Variants in TNKS observed in about 807,000 individuals in gnomAD.
TNKS encodes poly [ADP-ribose] polymerase tankyrase-1.
A neutral mutation model predicts 135.8 loss-of-function variants in TNKS; 72 were observed. The ratio of observed to expected loss-of-function variants is 0.53; its 90% confidence interval spans 0.44 to 0.64. The LOEUF is 0.64. TNKS is among the 30% of genes least tolerant of loss of function. The pLI, the probability that TNKS is intolerant of heterozygous loss-of-function variation, is 0.00. For missense variants in TNKS, 1,769 were observed against 1,674.0 expected, an observed-to-expected ratio of 1.06 and a Z score of -0.99; for synonymous variants, 849 against 649.3, an observed-to-expected ratio of 1.31 and a Z score of -4.68.
At chr8:9,773,754 A>G (rs1808075684) in intron 26 of TNKS, among the ~76,000 whole-genome samples, 1 of 152,096 alleles carries the variant, frequency 6.6e-6, no homozygotes, top group Non-Finnish European at 1.5e-5. Context: ...AAAAAAATGC[A>G]CTCAGCATTT....
At chr8:9,619,583 G>A (rs1799785121) in intron 3 of TNKS, among the ~76,000 whole-genome samples, 1 of 152,128 alleles carries the variant, frequency 6.6e-6, no homozygotes, top group African/African-American at 2.4e-5. Flanking sequence ...GGATATGTTT[G>A]CATTCAGGTG....
At chr8:9,664,857 A>G (rs1026382203) in intron 3 of TNKS, among the ~76,000 whole-genome samples, 1 of 152,212 alleles carries the variant, frequency 6.6e-6, no homozygotes, top group African/African-American at 2.4e-5. Context: ...CTTTTACCCC[A>G]TAAGGATTCC....
At chr8:9,576,224 A>C (rs1797938666) in intron 1 of TNKS, among the ~76,000 whole-genome samples, 1 of 152,132 alleles carries the variant, frequency 6.6e-6, no homozygotes, top group Non-Finnish European at 1.5e-5. Context: ...GAGTCTGAGC[A>C]AAATTGAGTC....
chr8:9,575,082 C>G, intron 1 of TNKS: 1 of 984,642 alleles, frequency 1.0e-6, no homozygotes, highest in Admixed American at 6.2e-5. Flanking sequence ...GTGAATCTCT[C>G]CATTATCTTT....
chr8:9,728,811 A>T (rs1186095384), intron 13 of TNKS, among the ~76,000 whole-genome samples: 1 of 152,144 alleles, frequency 6.6e-6, no homozygotes, highest in Non-Finnish European at 1.5e-5. Flanking sequence ...TATAGAGTTG[A>T]TGAAACTGTG....
chr8:9,748,936 CA>C (rs1316814753), intron 18 of TNKS, among the ~76,000 whole-genome samples: 2 of 152,196 alleles, frequency 1.3e-5, no homozygotes, highest in African/African-American at 4.8e-5. Flanking sequence ...GGGGCCTTGA[CA>C]GATACAACTA....
chr8:9,658,139 C>T (rs1470206773), intron 3 of TNKS, among the ~76,000 whole-genome samples: 18 of 112,132 alleles, frequency 1.6e-4, no homozygotes, highest in East Asian at 1.6e-3. Context: ...CGGGCGGAGA[C>T]GCTCCTCACT....
chr8:9,757,814 CT>C (rs1340089998), intron 20 of TNKS, among the ~76,000 whole-genome samples: 1 of 152,108 alleles, frequency 6.6e-6, no homozygotes, highest in African/African-American at 2.4e-5. Context: ...TATTTAGTTA[CT>C]TTTTAAAGAA....
rs199585800 is a variant in TNKS, at chr8:9,778,152, AAT to A, written c.*1417_*1418del. 0.019 allele frequency: 2,880 copies of A among 152,730 alleles called. 55 individuals carry two copies. The highest frequency in any genetic ancestry group is 0.05 in the African/African-American group (2,072 of 41,568). The allele number at this position is 152,730 out of a possible 1,614,324, so 9.5% of individuals were successfully genotyped here. On this transcript the variant is annotated 3_prime_UTR_variant, in exon 27 of 27. Transcript: ENST00000310430. The stretch of plus-strand genomic sequence containing the variant: ...AGTGCCATTGACATTTATAAAAAAA[AAT>A]GATCCTTTATAGTTCTTACACTTGC...
intron 2 of TNKS, among the ~76,000 whole-genome samples, chr8:9,599,388 G>A (rs965856390): frequency 6.6e-6 from 1 of 152,178 alleles, no homozygotes; most frequent in Admixed American, 6.5e-5. Flanking sequence ...AATTGTAACA[G>A]CAATTCACTG....
intron 20 of TNKS, among the ~76,000 whole-genome samples, chr8:9,754,476 T>C (rs1322618002): frequency 1.3e-5 from 2 of 152,322 alleles, no homozygotes; most frequent in African/African-American, 4.8e-5. Context: ...CTTATTTATA[T>C]CAATTATACT....
chr8:9,610,540 G>T (rs557578601), intron 2 of TNKS, among the ~76,000 whole-genome samples: 1 of 151,920 alleles, frequency 6.6e-6, no homozygotes, highest in Non-Finnish European at 1.5e-5. Flanking sequence ...TACATTGAAG[G>T]CTGTACTGTA....
At chr8:9,625,982 C>G (rs997070858) in intron 3 of TNKS, among the ~76,000 whole-genome samples, 1 of 152,072 alleles carries the variant, frequency 6.6e-6, no homozygotes, top group Admixed American at 6.5e-5. Flanking sequence ...TCTGGTTGTT[C>G]TATCAGTTGT....
At chr8:9,723,753 T>TGGC (rs1460442384) in intron 12 of TNKS, among the ~76,000 whole-genome samples, 11 of 152,244 alleles carry the variant, frequency 7.2e-5, no homozygotes, top group African/African-American at 2.4e-4. Context: ...TAGTCACACG[T>TGGC]GGCTAATGGC....
chr8:9,724,919 G>A (rs1805086007), intron 12 of TNKS, among the ~76,000 whole-genome samples: 1 of 152,100 alleles, frequency 6.6e-6, no homozygotes, highest in South Asian at 2.1e-4. Context: ...CATATTAAAT[G>A]TATCCTTAAA....
In TNKS at chr8:9,565,080, T is replaced by A. The variant is rs1412819186; in HGVS notation, c.673+8468T>A. ...TAGGTGTTTTGTTTTTGTGTGCCCG[T>A]TGTTTTTCTTTTAAGGCTTCATCAG... On this transcript the variant is annotated intron_variant, in intron 1 of 26. Transcript: ENST00000310430. Among the ~76,000 whole-genome samples the A allele has an allele frequency of 3.3e-5, 5 of 152,166 alleles. No individual in the cohort carries two copies. In the East Asian group the frequency reaches 9.6e-4, roughly 29 times the overall value.
At chr8:9,764,256 C>G (rs575011360) in intron 22 of TNKS, among the ~76,000 whole-genome samples, 29 of 151,846 alleles carry the variant, frequency 1.9e-4, no homozygotes, top group Middle Eastern at 3.4e-3. Context: ...GTCAATGTCC[C>G]CTGGTCTGTG....
intron 3 of TNKS, among the ~76,000 whole-genome samples, chr8:9,624,203 T>C (rs1799971692): frequency 6.6e-6 from 1 of 152,206 alleles, no homozygotes; most frequent in Non-Finnish European, 1.5e-5. Flanking sequence ...AGAGCAGCTG[T>C]CATTTTCCCT....
At chr8:9,710,682 G>C (rs1378281689) in intron 11 of TNKS, among the ~76,000 whole-genome samples, 1 of 152,176 alleles carries the variant, frequency 6.6e-6, no homozygotes, top group African/African-American at 2.4e-5. Context: ...GGATCACGAG[G>C]TCAGGAGATG....
Sources: gnomAD v4.1 joint callset for allele counts (sites outside exome capture counted in the v4.1 genomes callset) on GRCh38, gnomAD v4.1.1 for gene constraint, MANE v1.5 for transcripts, NCBI Gene and HGNC (gene_info 2026-07-23, HGNC 2026-07-21) for gene names.